NDST3: variants seen among roughly 807,000 people sequenced by gnomAD.
NDST3 encodes the protein bifunctional heparan sulfate N-deacetylase/N-sulfotransferase 3.
NDST3 carries 58 observed loss-of-function variants against 96.1 expected under a neutral mutation model. That is an observed-to-expected ratio of 0.60 (90% CI 0.49 to 0.75). The LOEUF is 0.75. Among genes scored for constraint, NDST3 ranks in the 30% least tolerant of loss-of-function variants. The pLI, the probability that NDST3 is intolerant of heterozygous loss-of-function variation, is 0.00. For synonymous variants in NDST3, 333 were observed against 359.7 expected (o/e 0.93, Z 0.84); for missense variants, 788 against 1,034.2 (o/e 0.76, Z 3.27).
intron 4 of NDST3, among the ~76,000 whole-genome samples, chr4:118,133,863 C>T (rs1243451975): frequency 6.6e-6 from 1 of 152,112 alleles, no homozygotes; most frequent in East Asian, 1.9e-4. Flanking sequence ...TGAGTACTTG[C>T]CATTGGCAAG....
At chr4:118,210,694 T>G (rs1578819220) in intron 6 of NDST3, among the ~76,000 whole-genome samples, 1 of 150,006 alleles carries the variant, frequency 6.7e-6, no homozygotes, top group Non-Finnish European at 1.5e-5. Flanking sequence ...GAGAATCACT[T>G]GAACCCGGGA....
intron 3 of NDST3, 64 bp from the exon 4 acceptor site, chr4:118,114,742 G>C: frequency 6.7e-7 from 1 of 1,497,258 alleles, no homozygotes; most frequent in South Asian, 1.2e-5. Context: ...AAATAGATAA[G>C]TAGATTGATT....
At chr4:118,194,269 G>A (rs1737516620) in intron 6 of NDST3, 1 of 727,340 alleles carries the variant, frequency 1.4e-6, no homozygotes. Context: ...CATTGGGCCT[G>A]GGATAGCCTT....
intron 6 of NDST3, among the ~76,000 whole-genome samples, chr4:118,216,656 A>C (rs2125989847): frequency 6.6e-6 from 1 of 152,230 alleles, no homozygotes; most frequent in Non-Finnish European, 1.5e-5. Flanking sequence ...AAAAGGAGTA[A>C]GGTTTCACGG....
chr4:118,220,564 A>T (rs1353147145), intron 6 of NDST3, among the ~76,000 whole-genome samples: 1 of 152,070 alleles, frequency 6.6e-6, no homozygotes, highest in Admixed American at 6.6e-5. Flanking sequence ...ACGTATACCT[A>T]GGTAACAAAC....
rs548531502 is a variant in NDST3, at chr4:118,079,905, A to G, written c.981+25014A>G. 9.9e-5 allele frequency among the ~76,000 whole-genome samples: 15 copies of G among 152,276 alleles called. No individual in the cohort carries two copies. In the South Asian group the frequency reaches 2.9e-3, roughly 29 times the overall value. On this transcript the variant is annotated intron_variant, in intron 2 of 13. Coordinates refer to ENST00000296499, the MANE Select transcript of NDST3 (RefSeq NM_004784.3). Reference sequence around the variant, plus strand: ...TGCTCATAGATGGTATGTGGGAAGCACTAGGAAAGAATAGAATCAAGGATA... The same window carrying G: ...TGCTCATAGATGGTATGTGGGAAGCGCTAGGAAAGAATAGAATCAAGGATA...
chr4:118,075,400 T>C (rs1222187211), intron 2 of NDST3, among the ~76,000 whole-genome samples: 15 of 152,226 alleles, frequency 9.9e-5, no homozygotes, highest in Non-Finnish European at 1.9e-4. Context: ...TATAATCCTT[T>C]GGGTATATAC....
chr4:118,213,669 A>G (rs1336157834), intron 6 of NDST3, among the ~76,000 whole-genome samples: 2 of 150,798 alleles, frequency 1.3e-5, no homozygotes, highest in African/African-American at 2.4e-5. Context: ...ATCAAGTTAT[A>G]CCATACATTA....
At chr4:118,155,853 G>T (rs903998162) in intron 6 of NDST3, among the ~76,000 whole-genome samples, 1 of 152,050 alleles carries the variant, frequency 6.6e-6, no homozygotes. Context: ...CCATAGTTAA[G>T]AAAAATAGGA....
rs372414209 is a variant in NDST3 at position 118,054,768 on chromosome 4, A to G, written c.858A>G (p.Ile286Met). Residue 286 changes from isoleucine (I) to methionine (M), a missense_variant, in exon 2 of 14, where the codon ATA (isoleucine) becomes ATG (methionine). Transcript: ENST00000296499. ...TTTGGCTGCACAAGCTCATCTTCAT[A>G]GATGCCATCTCCTTCTTATCAGGGA... ...LNFWLHKLIF[I>M]DAISFLSGKR... is the part of the protein sequence containing the mutation. The G allele has an allele frequency of 2.4e-5, 38 of 1,613,362 alleles. No homozygotes were observed. The highest frequency in any genetic ancestry group is 3.1e-5 in the Non-Finnish European group (36 of 1,179,460).
chr4:118,110,959 T>C (rs1208855569), intron 3 of NDST3, among the ~76,000 whole-genome samples: 1 of 152,142 alleles, frequency 6.6e-6, no homozygotes, highest in Non-Finnish European at 1.5e-5. Flanking sequence ...CTGATACATA[T>C]ACTCCATGGA....
chr4:118,233,606 TA>T (rs139096956), intron 9 of NDST3, among the ~76,000 whole-genome samples: 2,375 of 152,076 alleles, frequency 0.016, 60 homozygotes, highest in African/African-American at 0.054. Flanking sequence ...ATCAAAGCTA[TA>T]AAAAAAACTA....
At chr4:118,141,499 C>T (rs1033804066) in intron 5 of NDST3, among the ~76,000 whole-genome samples, 4 of 152,128 alleles carry the variant, frequency 2.6e-5, no homozygotes, top group African/African-American at 4.8e-5. Flanking sequence ...CAGGGTAAAG[C>T]CTGCCACTTC....
intron 11 of NDST3, 84 bp downstream of exon 11, chr4:118,240,778 T>C: frequency 7.7e-7 from 1 of 1,295,758 alleles, no homozygotes; most frequent in Non-Finnish European, 1.1e-6. Context: ...TTTTCAATTG[T>C]TAAACTATTA....
intron 2 of NDST3, among the ~76,000 whole-genome samples, chr4:118,092,281 A>G (rs1342727011): frequency 6.6e-6 from 1 of 151,576 alleles, no homozygotes; most frequent in East Asian, 1.9e-4. Context: ...GCCAAGGGGA[A>G]AAGTTACTCA....
At chr4:118,078,947 T>C (rs1727799241) in intron 2 of NDST3, among the ~76,000 whole-genome samples, 1 of 152,114 alleles carries the variant, frequency 6.6e-6, no homozygotes, top group Non-Finnish European at 1.5e-5. Flanking sequence ...TTTACACTAT[T>C]TTTTTTACTG....
intron 1 of NDST3, among the ~76,000 whole-genome samples, chr4:118,053,517 T>A (rs1725211346): frequency 6.6e-6 from 1 of 151,874 alleles, no homozygotes; most frequent in Non-Finnish European, 1.5e-5. Flanking sequence ...ATCATGAAAT[T>A]TTCTGTTAGC....
intron 6 of NDST3, among the ~76,000 whole-genome samples, chr4:118,197,803 C>CTTTTGGCTTT (rs1553943071): frequency 2.4e-5 from 3 of 127,384 alleles, no homozygotes; most frequent in Non-Finnish European, 5.0e-5. Flanking sequence ...TGGCTTTTGG[C>CTTTTGGCTTT]TTTTTTTTTT....
At chr4:118,137,464 T>C (rs1733203086) in intron 4 of NDST3, among the ~76,000 whole-genome samples, 1 of 152,098 alleles carries the variant, frequency 6.6e-6, no homozygotes, top group African/African-American at 2.4e-5. Flanking sequence ...GGGCTTCTAC[T>C]TCAAAAAAAA....
Sources: gnomAD v4.1 joint callset for allele counts (sites outside exome capture counted in the v4.1 genomes callset) on GRCh38, gnomAD v4.1.1 for gene constraint, MANE v1.5 for transcripts, NCBI Gene and HGNC (gene_info 2026-07-23, HGNC 2026-07-21) for gene names.